Variants in CUL1 observed in about 807,000 individuals in gnomAD.
CUL1 encodes the protein cullin-1.
In CUL1, 24 loss-of-function variants were observed where a neutral mutation model predicts 118.0. That is an observed-to-expected ratio of 0.20 (90% CI 0.15 to 0.29). The LOEUF is 0.29. Among genes scored for constraint, CUL1 ranks in the 10% least tolerant of loss-of-function variants. The pLI is 1.00. For missense variants in CUL1, 361 were observed against 933.8 expected (o/e 0.39, Z 7.99); for synonymous variants, 332 against 340.4 (o/e 0.98, Z 0.27).
chr7:148,778,070 C>CAAAAA (rs1203417069), intron 9 of CUL1, among the ~76,000 whole-genome samples: 48 of 13,772 alleles, frequency 3.5e-3, no homozygotes, highest in Admixed American at 7.1e-3. Context: ...GACCCTGTCT[C>CAAAAA]AAAAAAAAAA....
At chr7:148,768,651 C>A (rs921946961) in intron 9 of CUL1, among the ~76,000 whole-genome samples, 2 of 152,106 alleles carry the variant, frequency 1.3e-5, no homozygotes, top group African/African-American at 4.8e-5. Flanking sequence ...TCCCAAAGTG[C>A]TGAGATTACA....
At chr7:148,786,716 G>C (rs185383007) in intron 12 of CUL1, 117 bp downstream of exon 12, 2 of 945,488 alleles carry the variant, frequency 2.1e-6, no homozygotes, top group Admixed American at 5.1e-5. Flanking sequence ...ATTTTATTTT[G>C]AATCTCTGGT....
In CUL1 at chr7:148,759,343, C is replaced by G. The variant is rs764554309; in HGVS notation, c.523C>G (p.Leu175Val). Reference protein sequence around the residue: ...VTWRDCLFRPLNKQVTNAVLK... With the variant: ...VTWRDCLFRPVNKQVTNAVLK... ...TTGGAGAGACTGTCTGTTCAGGCCA[C>G]TGAATAAACAGGTACCTACTGGTGT... The change falls in exon 5 of 22, where the codon CTG (leucine) becomes GTG (valine). Residue 175 changes from leucine to valine, a missense_variant. Leu to Val is a conservative substitution (Grantham distance 32). Around this residue, in one of 7 missense-constraint regions of CUL1, gnomAD observed 169 missense variants for 429.7 expected, o/e 0.39. Coordinates refer to ENST00000325222, the MANE Select transcript of CUL1 (RefSeq NM_003592.3). The G allele has an allele frequency of 1.2e-6, 2 of 1,614,086 alleles. No individual in the cohort carries two copies. Among genetic ancestry groups the G allele is most frequent in the Non-Finnish European group, 1.7e-6 (2 of 1,179,974 alleles).
intron 2 of CUL1, among the ~76,000 whole-genome samples, chr7:148,736,535 T>A (rs568844190): frequency 6.6e-6 from 1 of 152,254 alleles, no homozygotes; most frequent in Non-Finnish European, 1.5e-5. Context: ...ACTCCTGGCT[T>A]CAAGCAGTCC....
At chr7:148,773,842 A>G (rs995896206) in intron 9 of CUL1, among the ~76,000 whole-genome samples, 1 of 152,194 alleles carries the variant, frequency 6.6e-6, no homozygotes, top group African/African-American at 2.4e-5. Flanking sequence ...CCCCCTTGAA[A>G]TAATGGCACA....
intron 1 of CUL1, among the ~76,000 whole-genome samples, chr7:148,706,055 T>C (rs913440305): frequency 6.6e-6 from 1 of 152,180 alleles, no homozygotes; most frequent in African/African-American, 2.4e-5. Context: ...TGGGCCACGG[T>C]CAACATGCAG....
intron 7 of CUL1, among the ~76,000 whole-genome samples, chr7:148,766,076 A>G (rs967363016): frequency 1.3e-5 from 2 of 152,260 alleles, no homozygotes; most frequent in African/African-American, 2.4e-5. Context: ...GGCAGACATC[A>G]GTGGCTGTTT....
chr7:148,766,960 A>G (rs1399638838), intron 8 of CUL1, among the ~76,000 whole-genome samples: 4 of 152,132 alleles, frequency 2.6e-5, no homozygotes, highest in African/African-American at 7.2e-5. Flanking sequence ...GCATTAAATG[A>G]TGCTACCCCA....
chr7:148,772,418 A>AAC (rs1800243717), intron 9 of CUL1, among the ~76,000 whole-genome samples: 2 of 57,270 alleles, frequency 3.5e-5, no homozygotes, highest in South Asian at 8.1e-4. Context: ...CCGTCTCAAA[A>AAC]AAAAAACAAA....
intron 1 of CUL1, among the ~76,000 whole-genome samples, chr7:148,723,028 C>A (rs539560116): frequency 6.6e-6 from 1 of 152,364 alleles, no homozygotes; most frequent in East Asian, 1.9e-4. Context: ...TAATAGTTAG[C>A]ATTTTTGAAA....
intron 9 of CUL1, among the ~76,000 whole-genome samples, chr7:148,776,050 G>A (rs1002349738): frequency 6.6e-6 from 1 of 151,576 alleles, no homozygotes; most frequent in Non-Finnish European, 1.5e-5. Flanking sequence ...TTAAATATCC[G>A]GTCAACTGCT....
intron 9 of CUL1, among the ~76,000 whole-genome samples, chr7:148,774,036 A>G (rs956891555): frequency 2.0e-5 from 3 of 152,220 alleles, no homozygotes; most frequent in Non-Finnish European, 4.4e-5. Flanking sequence ...CTCACACAAT[A>G]CGTGAAATAA....
intron 1 of CUL1, among the ~76,000 whole-genome samples, chr7:148,704,921 T>G (rs973943451): frequency 2.0e-4 from 31 of 152,214 alleles, no homozygotes; most frequent in African/African-American, 7.5e-4. Flanking sequence ...GGGGAGCTAC[T>G]TGCAAGGAAG....
At chr7:148,703,693 A>G (rs1797791017) in intron 1 of CUL1, among the ~76,000 whole-genome samples, 1 of 151,806 alleles carries the variant, frequency 6.6e-6, no homozygotes, top group African/African-American at 2.4e-5. Flanking sequence ...CACTACACCC[A>G]GCTAATTTTT....
chr7:148,783,368 G>T, intron 9 of CUL1: 1 of 985,152 alleles, frequency 1.0e-6, no homozygotes, highest in Non-Finnish European at 1.2e-6. Context: ...TTTCCCTCGC[G>T]TTGCCTGCCC....
At chr7:148,782,912 G>A (rs1355070346) in intron 9 of CUL1, among the ~76,000 whole-genome samples, 3 of 152,156 alleles carry the variant, frequency 2.0e-5, no homozygotes, top group Admixed American at 2.0e-4. Flanking sequence ...TTCCCAGCCG[G>A]GCTCCCTCGC....
intron 9 of CUL1, among the ~76,000 whole-genome samples, chr7:148,778,987 C>CT (rs1299624622): frequency 1.3e-5 from 2 of 152,212 alleles, no homozygotes; most frequent in African/African-American, 4.8e-5. Context: ...TAAAGTATCA[C>CT]TTAGCACCAC....
intron 11 of CUL1, among the ~76,000 whole-genome samples, chr7:148,785,902 A>G (rs1472817713): frequency 2.6e-5 from 4 of 152,176 alleles, no homozygotes; most frequent in Admixed American, 2.6e-4. Flanking sequence ...CAACTTTTCT[A>G]AAGTTGGAGA....
At chr7:148,727,044 C>A (rs1377134656) in intron 1 of CUL1, among the ~76,000 whole-genome samples, 2 of 151,976 alleles carry the variant, frequency 1.3e-5, no homozygotes, top group African/African-American at 4.8e-5. Flanking sequence ...TGCTTTATTC[C>A]GTCACTGTAG....
Sources: gnomAD v4.1 joint callset for allele counts (sites outside exome capture counted in the v4.1 genomes callset) on GRCh38, gnomAD v4.1.1 for gene constraint, gnomAD v4.1.1 regional missense constraint, MANE v1.5 for transcripts, NCBI Gene and HGNC (gene_info 2026-07-23, HGNC 2026-07-21) for gene names.